The following RBFOX1 variants were observed in gnomAD, a reference collection of about 807,000 sequenced individuals.
RBFOX1 encodes the protein RNA binding protein fox-1 homolog 1.
Under a neutral mutation model 57.7 loss-of-function variants are expected in RBFOX1, and 8 were observed. The ratio of observed to expected loss-of-function variants is 0.14; its 90% CI spans 0.08 to 0.25. The LOEUF is 0.25. Ranked by LOEUF, RBFOX1 falls within the 10% of genes least tolerant of loss-of-function variation. RBFOX1 has a pLI of 1.00. For missense variants in RBFOX1, 611 were observed against 548.5 expected (o/e 1.11, Z -1.14); for synonymous variants, 326 against 222.4 (o/e 1.47, Z -4.15).
intron 3 of RBFOX1, among the ~76,000 whole-genome samples, chr16:5,611,647 T>G (rs1417784506): frequency 6.6e-5 from 10 of 151,766 alleles, no homozygotes; most frequent in Admixed American, 6.6e-4. Flanking sequence ...GCCACTCTCC[T>G]ATCCATCCCT....
intron 3 of RBFOX1, among the ~76,000 whole-genome samples, chr16:6,833,319 C>A (rs1392069109): frequency 6.6e-6 from 1 of 151,626 alleles, no homozygotes; most frequent in African/African-American, 2.4e-5. Context: ...GCTCCCAACA[C>A]CATGCCTGGC....
At chr16:6,060,546 C>T (rs1035564) in intron 1 of RBFOX1, among the ~76,000 whole-genome samples, 82,797 of 151,940 alleles carry the variant, frequency 0.54, 23,080 homozygotes, top group Non-Finnish European at 0.61. Context: ...ACCTCTACGT[C>T]AGCAGTTCCA....
intron 2 of RBFOX1, among the ~76,000 whole-genome samples, chr16:6,540,254 A>G (rs934503476): frequency 2.3e-4 from 35 of 151,748 alleles, no homozygotes; most frequent in Middle Eastern, 3.4e-3. Flanking sequence ...AATTTGTGCA[A>G]TTCTCCCTCA....
chr16:6,718,885 C>T (rs2065365865), intron 3 of RBFOX1, among the ~76,000 whole-genome samples: 1 of 151,938 alleles, frequency 6.6e-6, no homozygotes, highest in Non-Finnish European at 1.5e-5. Flanking sequence ...TTTTTTGAGA[C>T]AGAGTCTTGT....
chr16:5,935,548 C>T (rs2059151608), intron 4 of RBFOX1, among the ~76,000 whole-genome samples: 1 of 152,176 alleles, frequency 6.6e-6, no homozygotes, highest in South Asian at 2.1e-4. Context: ...AGTGTGAGAG[C>T]AGGAAAGAAG....
At chr16:6,481,674 G>T (rs2153097574) in intron 2 of RBFOX1, among the ~76,000 whole-genome samples, 1 of 152,268 alleles carries the variant, frequency 6.6e-6, no homozygotes, top group Admixed American at 6.5e-5. Context: ...TGGAAAATGT[G>T]TCAGGGGATC....
intron 3 of RBFOX1, among the ~76,000 whole-genome samples, chr16:6,932,510 A>T (rs1178686097): frequency 6.6e-6 from 1 of 152,184 alleles, no homozygotes; most frequent in Non-Finnish European, 1.5e-5. Context: ...GATGGATTAC[A>T]TCCTTAGGAG....
intron 3 of RBFOX1, among the ~76,000 whole-genome samples, chr16:6,681,023 T>G (rs540094547): frequency 6.6e-6 from 1 of 152,194 alleles, no homozygotes; most frequent in African/African-American, 2.4e-5. Flanking sequence ...AGTAGAAATC[T>G]GTTTAGGCTG....
intron 4 of RBFOX1, among the ~76,000 whole-genome samples, chr16:7,094,777 G>GTGTGTGTGTGGGT (rs1567232668): frequency 1.9e-5 from 1 of 53,602 alleles, no homozygotes; most frequent in Admixed American, 2.0e-4. Flanking sequence ...TGTGTGTGTG[G>GTGTGTGTGTGGGT]GTGTGTGTGT....
intron 1 of RBFOX1, among the ~76,000 whole-genome samples, chr16:5,263,809 A>C (rs1414079784): frequency 6.6e-6 from 1 of 152,208 alleles, no homozygotes; most frequent in Non-Finnish European, 1.5e-5. Context: ...AGAGGTTTAA[A>C]GTCAATTGTT....
At chr16:6,131,172 A>G (rs912380243) in intron 1 of RBFOX1, among the ~76,000 whole-genome samples, 6 of 152,244 alleles carry the variant, frequency 3.9e-5, no homozygotes, top group African/African-American at 1.4e-4. Context: ...AAGGGGCACC[A>G]GAGGACTACC....
intron 4 of RBFOX1, among the ~76,000 whole-genome samples, chr16:5,956,410 A>G (rs1419218166): frequency 6.6e-6 from 1 of 151,840 alleles, no homozygotes; most frequent in East Asian, 1.9e-4. Context: ...TCTCTCTGGA[A>G]TTTAAATTTA....
At chr16:6,860,842 A>G (rs2058861512) in intron 3 of RBFOX1, among the ~76,000 whole-genome samples, 1 of 152,230 alleles carries the variant, frequency 6.6e-6, no homozygotes, top group African/African-American at 2.4e-5. Flanking sequence ...TGGACACAGT[A>G]AAATGTTTTC....
intron 4 of RBFOX1, among the ~76,000 whole-genome samples, chr16:7,093,159 C>A (rs1284521831): frequency 6.6e-6 from 1 of 152,202 alleles, no homozygotes; most frequent in Non-Finnish European, 1.5e-5. Flanking sequence ...AAATTCGTTT[C>A]TGTTGACCTG....
chr16:5,667,249 C>T (rs1325197054), intron 3 of RBFOX1, among the ~76,000 whole-genome samples: 1 of 152,148 alleles, frequency 6.6e-6, no homozygotes, highest in African/African-American at 2.4e-5. Flanking sequence ...TCTCTCCACC[C>T]CCAAGATTCC....
intron 2 of RBFOX1, among the ~76,000 whole-genome samples, chr16:6,618,098 C>A (rs2098169926): frequency 1.3e-5 from 2 of 152,062 alleles, no homozygotes; most frequent in Admixed American, 6.5e-5. Context: ...GGAATCCCAT[C>A]CCCTTTCTTC....
intron 4 of RBFOX1, among the ~76,000 whole-genome samples, chr16:6,008,512 A>G (rs2094940414): frequency 1.3e-5 from 2 of 152,164 alleles, no homozygotes; most frequent in African/African-American, 4.8e-5. Context: ...ACCATTTTCT[A>G]AAAGCTTGCT....
In RBFOX1 at chr16:5,377,411, A is replaced by C. The variant is rs1228822900; in HGVS notation, c.220-89805A>C. Among the ~76,000 whole-genome samples, 3 of 151,312 alleles carry C rather than the reference A, an allele frequency of 2.0e-5. No individual in the cohort carries two copies. The East Asian group carries it at 5.8e-4, about 29-fold the overall frequency. On this transcript the variant is annotated intron_variant, in intron 1 of 2. Transcript: ENST00000585867. ...AGAAGGAGTTGACCAGGCAAATCAC[A>C]AAGGGAAAAGTGTTTGAGCAGAGGG...
At chr16:7,066,348 G>A (rs1817449816) in intron 4 of RBFOX1, among the ~76,000 whole-genome samples, 1 of 152,184 alleles carries the variant, frequency 6.6e-6, no homozygotes, top group Non-Finnish European at 1.5e-5. Flanking sequence ...TTTTAGAAAG[G>A]AGCTAAAATG....
Sources: gnomAD v4.1 joint callset for allele counts (sites outside exome capture counted in the v4.1 genomes callset) on GRCh38, gnomAD v4.1.1 for gene constraint, MANE v1.5 for transcripts, NCBI Gene and HGNC (gene_info 2026-07-23, HGNC 2026-07-21) for gene names.